The following TSHZ2 variants were observed in gnomAD, a reference collection of about 807,000 sequenced individuals.
TSHZ2 encodes the protein teashirt homolog 2.
In TSHZ2, 21 loss-of-function variants were observed where a neutral mutation model predicts 74.4. That is an observed-to-expected ratio of 0.28 (90% CI 0.20 to 0.41). The LOEUF is 0.41. Ranked by LOEUF, TSHZ2 falls within the 10% of genes least tolerant of loss-of-function variation. The pLI is 1.00. For synonymous variants in TSHZ2, 540 were observed against 515.3 expected, an observed-to-expected ratio of 1.05 and a Z score of -0.65; for missense variants, 1,244 against 1,293.5, an observed-to-expected ratio of 0.96 and a Z score of 0.59.
intron 1 of TSHZ2, among the ~76,000 whole-genome samples, chr20:53,244,696 G>A (rs903751895): frequency 1.6e-4 from 24 of 152,106 alleles, no homozygotes; most frequent in Admixed American, 5.9e-4. Context: ...TGCAAAGCCC[G>A]AGGCCTCTAA....
At chr20:53,120,840 A>G (rs539401545) in intron 1 of TSHZ2, among the ~76,000 whole-genome samples, 1 of 152,364 alleles carries the variant, frequency 6.6e-6, no homozygotes, top group African/African-American at 2.4e-5. Flanking sequence ...TTGCCGTATA[A>G]GTGAAATAGA....
rs766136923 is a variant in TSHZ2, at chr20:53,256,331, G to A, written c.2873G>A (p.Arg958His). Residue 958 changes from arginine to histidine, a missense_variant, in exon 2 of 3, where the codon CGC becomes CAC. Around this residue, in one of 6 missense-constraint regions of TSHZ2, gnomAD observed 185 missense variants for 213.3 expected, o/e 0.87. Coordinates refer to ENST00000371497, the MANE Select transcript of TSHZ2 (RefSeq NM_173485.6). This position sits in a 1 kb window ranked among gnomAD's most constrained non-coding sequence, Gnocchi z 4.3. ...HLGFQMKDMT[R>H]LSVDQQSKVE... The stretch of plus-strand genomic sequence containing the variant: ...GGTTTCCAAATGAAGGACATGACCC[G>A]CTTGTCAGTGGACCAGCAAAGCAAG... 1.7e-5 allele frequency: 28 copies of A among 1,613,682 alleles called. No individual in the cohort carries two copies. The highest frequency in any genetic ancestry group is 8.3e-5 in the Admixed American group (5 of 59,988).
intron 2 of TSHZ2, among the ~76,000 whole-genome samples, chr20:53,469,634 G>GAGGGAGGA (rs1306380564): frequency 0.025 from 875 of 35,382 alleles, 33 homozygotes; most frequent in South Asian, 0.043. Context: ...GGAAGGGAGG[G>GAGGGAGGA]AGGAAGGAAG....
At chr20:53,040,084 G>GA (rs1172867364) in intron 1 of TSHZ2, among the ~76,000 whole-genome samples, 9 of 152,134 alleles carry the variant, frequency 5.9e-5, no homozygotes, top group Non-Finnish European at 1.3e-4. Flanking sequence ...CCAGCCTGGA[G>GA]ACAGAGCAAG....
chr20:53,335,437 C>G (rs542862515), intron 2 of TSHZ2, among the ~76,000 whole-genome samples: 3 of 152,336 alleles, frequency 2.0e-5, no homozygotes, highest in Admixed American at 6.5e-5. Flanking sequence ...CCACTGGCCC[C>G]ACTCAGTCCT....
At chr20:53,183,393 T>C (rs1988528072) in intron 1 of TSHZ2, among the ~76,000 whole-genome samples, 1 of 152,290 alleles carries the variant, frequency 6.6e-6, no homozygotes, top group East Asian at 1.9e-4. Flanking sequence ...TCAGTATTCA[T>C]ATTAGCCTGG....
chr20:53,373,334 T>A (rs1981544404), intron 2 of TSHZ2, among the ~76,000 whole-genome samples: 1 of 152,208 alleles, frequency 6.6e-6, no homozygotes. Flanking sequence ...GAAGAATTTT[T>A]TAGTGGGCTA....
At chr20:53,183,758 G>C (rs1359039521) in intron 1 of TSHZ2, among the ~76,000 whole-genome samples, 1 of 152,222 alleles carries the variant, frequency 6.6e-6, no homozygotes, top group East Asian at 1.9e-4. Context: ...CTTGTATCTT[G>C]AGGCAACACA....
At chr20:53,470,180 C>G (rs1344324947) in intron 2 of TSHZ2, among the ~76,000 whole-genome samples, 1 of 152,138 alleles carries the variant, frequency 6.6e-6, no homozygotes, top group East Asian at 1.9e-4. Flanking sequence ...GGCAATACAT[C>G]AGAAAGTGTT....
chr20:53,078,122 G>A (rs1326347210), intron 1 of TSHZ2, among the ~76,000 whole-genome samples: 9 of 152,190 alleles, frequency 5.9e-5, no homozygotes, highest in Admixed American at 2.0e-4. Flanking sequence ...TATCAATCAC[G>A]AATCCAGCTT....
chr20:53,364,361 C>T (rs1235716815), intron 2 of TSHZ2, among the ~76,000 whole-genome samples: 2 of 152,210 alleles, frequency 1.3e-5, no homozygotes, highest in Non-Finnish European at 2.9e-5. Flanking sequence ...TTCAAACTTG[C>T]CTTCCCGCTC....
chr20:53,069,275 G>A (rs1291204530), intron 1 of TSHZ2, among the ~76,000 whole-genome samples: 1 of 152,108 alleles, frequency 6.6e-6, no homozygotes, highest in African/African-American at 2.4e-5. Flanking sequence ...AGTATATGTT[G>A]TTTATCATTA....
chr20:53,451,205 G>A (rs530172174), intron 2 of TSHZ2, among the ~76,000 whole-genome samples: 10 of 152,266 alleles, frequency 6.6e-5, no homozygotes, highest in East Asian at 1.9e-4. Flanking sequence ...TCTGTAGGAC[G>A]AAATAATGTA....
At chr20:53,129,912 C>T (rs1436019480) in intron 1 of TSHZ2, among the ~76,000 whole-genome samples, 1 of 151,760 alleles carries the variant, frequency 6.6e-6, no homozygotes, top group Non-Finnish European at 1.5e-5. Flanking sequence ...ATTACCAACC[C>T]TGTGTTGACA....
intron 2 of TSHZ2, among the ~76,000 whole-genome samples, chr20:53,334,645 T>C (rs1979868605): frequency 6.6e-6 from 1 of 151,814 alleles, no homozygotes; most frequent in Non-Finnish European, 1.5e-5. Context: ...CTAAGTGAAA[T>C]GGATTTTGAA....
intron 1 of TSHZ2, among the ~76,000 whole-genome samples, chr20:53,188,823 C>T (rs972973148): frequency 2.0e-5 from 3 of 152,010 alleles, no homozygotes; most frequent in Admixed American, 6.6e-5. Flanking sequence ...TATATAAGAA[C>T]CTGATTAGCA....
At chr20:53,303,222 C>A (rs58330620) in intron 2 of TSHZ2, among the ~76,000 whole-genome samples, 1 of 152,180 alleles carries the variant, frequency 6.6e-6, no homozygotes, top group South Asian at 2.1e-4. Context: ...AGACAGGGAC[C>A]GATTTACTGC....
chr20:53,099,083 G>A (rs1457233813), intron 1 of TSHZ2, among the ~76,000 whole-genome samples: 4 of 152,102 alleles, frequency 2.6e-5, no homozygotes, highest in Admixed American at 2.6e-4. Flanking sequence ...TGAATGAATG[G>A]TGACCTCCCC....
intron 1 of TSHZ2, among the ~76,000 whole-genome samples, chr20:53,250,346 C>T (rs1375502365): frequency 2.6e-5 from 4 of 152,200 alleles, no homozygotes; most frequent in South Asian, 2.1e-4. Context: ...GTCATCAATA[C>T]AGAGAGAGAC....
Sources: allele counts gnomAD v4.1 joint callset (sites outside exome capture counted in the v4.1 genomes callset), GRCh38; gene constraint gnomAD v4.1.1; regional missense constraint gnomAD v4.1.1; non-coding constraint Gnocchi (gnomAD v3.1); transcripts MANE v1.5; gene names NCBI Gene and HGNC (gene_info 2026-07-23, HGNC 2026-07-21).